The following NEB variants were observed in gnomAD, a reference collection of about 807,000 sequenced individuals.
NEB encodes nemaline myopathy type 2.
NEB carries 512 observed loss-of-function variants against 952.2 expected under a neutral mutation model. The observed-to-expected ratio is 0.54, with a 90% CI of 0.50 to 0.58. NEB has a LOEUF of 0.58. Ranked by LOEUF, NEB falls within the 20% of genes least tolerant of loss-of-function variation. The probability of loss-of-function intolerance (pLI) is 0.00; values close to 1 mark genes in which losing one functional copy is unlikely to be tolerated. For missense variants in NEB, 8,428 were observed against 9,231.1 expected (o/e 0.91, Z 3.56); for synonymous variants, 2,900 against 3,149.8 (o/e 0.92, Z 2.66).
chr2:151,610,591 C>T lies in NEB; in HGVS notation c.11943G>A (p.Lys3981=), dbSNP rs1258501445. The change falls in exon 80 of 182, where the codon AAG becomes AAA. Residue 3981 remains lysine (K), a synonymous_variant. Coordinates refer to ENST00000397345, the MANE Select transcript of NEB (RefSeq NM_001164508.2). ...KLYTKGWDES[K]MKDYDLRADA... ...CTGCTCTCAGATCATAGTCCTTCATCTTTGATTCATCCCATCCCTTGGTGT... is the reference window on the plus strand; with the variant it reads ...CTGCTCTCAGATCATAGTCCTTCATTTTTGATTCATCCCATCCCTTGGTGT... 6 of 1,613,752 alleles carry T rather than the reference C, an allele frequency of 3.7e-6. No homozygotes were observed. In the South Asian group the frequency reaches 6.6e-5, roughly 18 times the overall value.
intron 124 of NEB, among the ~76,000 whole-genome samples, chr2:151,558,298 CA>C (rs2095798062): frequency 6.6e-6 from 1 of 152,122 alleles, no homozygotes; most frequent in South Asian, 2.1e-4. Flanking sequence ...CCTAGGAATC[CA>C]ACTTACAAGG....
intron 10 of NEB, among the ~76,000 whole-genome samples, 158 bp from the exon 11 acceptor site, chr2:151,710,696 C>T (rs2099742440): frequency 6.6e-6 from 1 of 152,126 alleles, no homozygotes; most frequent in Non-Finnish European, 1.5e-5. Context: ...AATGTACTGT[C>T]AATTTACCCA....
chr2:151,485,957 G>A, intron 181 of NEB, 24 bp from the exon 182 acceptor site: 1 of 1,610,636 alleles, frequency 6.2e-7, no homozygotes, highest in East Asian at 2.2e-5. Context: ...TGGAAAAGGG[G>A]AAATATTATA....
At position 151,643,304 on chromosome 2, in the gene NEB, G is replaced by A. The variant is rs1379505396; in HGVS notation, c.8006C>T (p.Thr2669Ile). The A allele has an allele frequency of 6.2e-7, 1 of 1,613,828 alleles. No homozygotes were observed. The highest frequency in any genetic ancestry group is 1.1e-5 in the South Asian group (1 of 91,076). Residue 2669 changes from threonine (T) to isoleucine (I), a missense_variant, in exon 58 of 182, where the codon ACT becomes ATT. Thr to Ile is a moderately conservative substitution (Grantham distance 89). This residue lies in a region of NEB where 1,772 missense variants were observed against 1,960.3 expected (regional missense o/e 0.90). Transcript: ENST00000397345. ...LQWLKGIGWMTSGSLEDEKNK... is the reference protein window; with the variant it reads ...LQWLKGIGWMISGSLEDEKNK... ...TTTCTCATCCTCGAGAGAACCACTAGTCATCCAGCCAATGCCTTTTAGCCA... is the reference window on the plus strand; with the variant it reads ...TTTCTCATCCTCGAGAGAACCACTAATCATCCAGCCAATGCCTTTTAGCCA...
At chr2:151,701,983 G>T (rs1368763989) in intron 13 of NEB, among the ~76,000 whole-genome samples, 1 of 147,048 alleles carries the variant, frequency 6.8e-6, no homozygotes, top group African/African-American at 2.5e-5. Context: ...GATCTTTCCT[G>T]CTTTCTCTTG....
In NEB at chr2:151,647,115, A is replaced by AT. The variant is rs562083839; in HGVS notation, c.7432-882dup. 5.9e-4 allele frequency among the ~76,000 whole-genome samples: 87 copies of AT among 147,742 alleles called. 1 individual carries two copies. The highest frequency in any genetic ancestry group is 3.6e-3 in the East Asian group (18 of 5,040). On this transcript the variant is annotated intron_variant, in intron 54 of 181. Transcript: ENST00000397345. ...TTTCACAGACTTACTAAAACTAATA[A>AT]TTTTTTTTTTTTGAGATGGAGTTTC...
At chr2:151,546,055 T>C (rs1454870775) in intron 134 of NEB, 57 bp from the exon 135 acceptor site, 38 of 1,104,660 alleles carry the variant, frequency 3.4e-5, no homozygotes, top group Non-Finnish European at 5.3e-6. Flanking sequence ...AAGGGATTCA[T>C]GTCATATTGT....
chr2:151,659,223 A>C, intron 46 of NEB, 54 bp from the exon 47 acceptor site: 2 of 1,089,070 alleles, frequency 1.8e-6, no homozygotes, highest in Non-Finnish European at 2.8e-6. Context: ...AAGCTCACTT[A>C]GTACATACAT....
At chr2:151,709,258 G>C (rs1048706237) in intron 12 of NEB, among the ~76,000 whole-genome samples, 1 of 152,158 alleles carries the variant, frequency 6.6e-6, no homozygotes, top group African/African-American at 2.4e-5. Flanking sequence ...TTCCTGGGGG[G>C]AGAAGTCCTG....
rs762463190 is a variant in NEB at position 151,614,450 on chromosome 2, C to G, written c.11427G>C (p.Glu3809Asp). 3 of 1,613,836 alleles carry G rather than the reference C, an allele frequency of 1.9e-6. No individual in the cohort carries two copies. In the South Asian group the frequency reaches 3.3e-5, roughly 18 times the overall value. The part of the protein sequence containing the change: ...QSDREYKKEF[E>D]KWKTKFSSPV... Reference sequence around the variant, plus strand: ...GGCTGCTGAACTTGGTCTTCCACTTCTCAAACTCCTTCTTGTACTCCCTGT... The same window carrying G: ...GGCTGCTGAACTTGGTCTTCCACTTGTCAAACTCCTTCTTGTACTCCCTGT... The change falls in exon 77 of 182, where the codon GAG becomes GAC. Residue 3809 changes from glutamate to aspartate, a missense_variant. Glu to Asp is a conservative substitution (Grantham distance 45). Coordinates refer to ENST00000397345, the MANE Select transcript of NEB (RefSeq NM_001164508.2).
chr2:151,678,410 C>A (rs551610043), intron 32 of NEB, among the ~76,000 whole-genome samples: 1 of 152,110 alleles, frequency 6.6e-6, no homozygotes, highest in Non-Finnish European at 1.5e-5. Flanking sequence ...TTCTGCCTAT[C>A]CAAGTGAGGT....
At chr2:151,708,763 C>T (rs956056664) in intron 12 of NEB, among the ~76,000 whole-genome samples, 11 of 152,156 alleles carry the variant, frequency 7.2e-5, no homozygotes, top group African/African-American at 2.7e-4. Context: ...TCTTGTCTGT[C>T]CTCCAAAAAA....
rs373850451 is a variant in NEB at position 151,570,591 on chromosome 2, C to T, written c.17024G>A (p.Arg5675His). The change falls in exon 108 of 182, where the codon CGT becomes CAT. Residue 5675 changes from arginine (R) to histidine (H), a missense_variant. This residue lies in a region of NEB where 3,374 missense variants were observed against 3,651.5 expected (regional missense o/e 0.92). Transcript: ENST00000397345. ...CGCCTTCATTTCATCCCAGCCCTCA[C>T]GGTAAAGTTTCTGAAAAGGAGAAAA... ...NALNVSNKLYREGWDEMKAGC... is the reference protein window; with the variant it reads ...NALNVSNKLYHEGWDEMKAGC... The T allele has an allele frequency of 3.0e-5, 48 of 1,594,412 alleles. No homozygotes were observed. The highest frequency in any genetic ancestry group is 1.3e-4 in the South Asian group (11 of 87,524).
At position 151,519,665 on chromosome 2, in the gene NEB, G is replaced by T; in HGVS notation, c.22583C>A (p.Ala7528Glu). Residue 7528 changes from alanine to glutamate, a missense_variant, in exon 154 of 182, where the codon GCA becomes GAA. Coordinates refer to ENST00000397345, the MANE Select transcript of NEB (RefSeq NM_001164508.2). The stretch of plus-strand genomic sequence containing the variant: ...ACAATTTTAGAAACATACCTCACTT[G>T]CAAGATTATTAGCATCTTTCATGAC... ...YKVMKDANNLASEVKYKADLK... is the reference protein window; with the variant it reads ...YKVMKDANNLESEVKYKADLK... The T allele has an allele frequency of 1.2e-6, 2 of 1,604,448 alleles. No individual in the cohort carries two copies. The highest frequency in any genetic ancestry group is 8.5e-7 in the Non-Finnish European group (1 of 1,171,698).
At chr2:151,727,570 A>G (rs1452938919) in intron 5 of NEB, 121 bp downstream of exon 5, 7 of 958,780 alleles carry the variant, frequency 7.3e-6, no homozygotes, top group Non-Finnish European at 1.1e-5. Flanking sequence ...AATTTGCAAA[A>G]TAAGTTTTTG....
Position 151,665,469 on chromosome 2 carries a change from A to G in NEB, c.5102T>C (p.Val1701Ala), listed in dbSNP as rs117271684. Residue 1701 changes from valine to alanine, a missense_variant, in exon 42 of 182, where the codon GTG (valine) becomes GCG (alanine). Around this residue, in one of 11 missense-constraint regions of NEB, gnomAD observed 2,851 missense variants for 2,791.5 expected, o/e 1.02. Coordinates refer to ENST00000397345, the MANE Select transcript of NEB (RefSeq NM_001164508.2). ...CTCTCCTGCTTTCTTTGCCTTCTCC[A>G]CCTCCAGGGACTCTATGGGCACCCA... is the stretch of plus-strand genomic sequence containing the variant. ...IGWVPIESLEVEKAKKAGEIL... is the reference protein window; with the variant it reads ...IGWVPIESLEAEKAKKAGEIL... The G allele has an allele frequency of 3.1e-3, 5,036 of 1,611,368 alleles. 125 individuals are homozygous for G. The East Asian group carries it at 0.066, about 21-fold the overall frequency.
intron 13 of NEB, among the ~76,000 whole-genome samples, chr2:151,705,624 A>G (rs2099702644): frequency 6.6e-6 from 1 of 152,210 alleles, no homozygotes; most frequent in African/African-American, 2.4e-5. Flanking sequence ...ATGCATAAGC[A>G]TGTTCATAGC....
In NEB at chr2:151,669,253, T is replaced by C. The variant is rs534143040; in HGVS notation, c.4507-122A>G. On this transcript the variant is annotated intron_variant, in intron 38 of 181. Transcript: ENST00000397345. The stretch of plus-strand genomic sequence containing the variant: ...GTTTTCCATTTACGAGACAAATACC[T>C]ACTCTGTCATAAGGGAGGGGCCCTG... The C allele has an allele frequency of 2.4e-5, 16 of 674,756 alleles. No homozygotes were observed. In the African/African-American group the frequency reaches 2.7e-4, roughly 11 times the overall value. The allele number at this position is 674,756 out of a possible 1,614,324, so 41.8% of individuals were successfully genotyped here.
intron 156 of NEB, among the ~76,000 whole-genome samples, chr2:151,517,520 A>G (rs759750647): frequency 1.1e-4 from 16 of 152,204 alleles, no homozygotes; most frequent in Non-Finnish European, 1.6e-4. Flanking sequence ...TATAGTCATG[A>G]ATTGCTTAAC....
Sources: allele counts gnomAD v4.1 joint callset (sites outside exome capture counted in the v4.1 genomes callset), GRCh38; gene constraint gnomAD v4.1.1; regional missense constraint gnomAD v4.1.1; transcripts MANE v1.5; gene names NCBI Gene and HGNC (gene_info 2026-07-23, HGNC 2026-07-21).